The following CEP63 variants were observed in gnomAD, a reference collection of about 807,000 sequenced individuals.
The protein encoded by CEP63 is centrosomal protein 63.
Under a neutral mutation model 89.1 loss-of-function variants are expected in CEP63, and 84 were observed. The observed-to-expected ratio is 0.94, with a 90% CI of 0.79 to 1.13. CEP63 has a LOEUF of 1.13. Ranked by LOEUF, CEP63 falls within the 50% of genes most tolerant of loss-of-function variation. The probability of loss-of-function intolerance (pLI) is 0.00; values close to 1 mark genes in which losing one functional copy is unlikely to be tolerated. For missense variants in CEP63, 838 were observed against 813.3 expected (o/e 1.03, Z -0.37); for synonymous variants, 267 against 272.5 (o/e 0.98, Z 0.20).
At chr3:134,573,365 A>G (rs753881964) in intron 11 of CEP63, among the ~76,000 whole-genome samples, 11 of 152,094 alleles carry the variant, frequency 7.2e-5, no homozygotes, top group African/African-American at 2.7e-4. Context: ...GCTTTCTTCT[A>G]GGTTTCTTAT....
At chr3:134,754,117 GC>G in the CEP63 span, among the ~76,000 whole-genome samples, 1 of 152,186 alleles carries the variant, frequency 6.6e-6, no homozygotes, top group Non-Finnish European at 1.5e-5. Flanking sequence ...CTGGTGAATG[GC>G]CCCTGCTGGG....
chr3:134,574,694 A>G (rs1015618817), intron 11 of CEP63: 2 of 441,456 alleles, frequency 4.5e-6, no homozygotes, highest in African/African-American at 4.1e-5. Flanking sequence ...TGCAACCTCC[A>G]CCTCCTGGGC....
chr3:134,505,498 G>A (rs971684610), intron 2 of CEP63, among the ~76,000 whole-genome samples: 12 of 152,218 alleles, frequency 7.9e-5, no homozygotes, highest in African/African-American at 2.2e-4. Flanking sequence ...ACCAGACAGT[G>A]ATGCCAGTGG....
chr3:134,529,037 CA>C (rs1312252894), intron 3 of CEP63, among the ~76,000 whole-genome samples: 14 of 152,142 alleles, frequency 9.2e-5, no homozygotes, highest in African/African-American at 2.9e-4. Flanking sequence ...TGAAGCAAAA[CA>C]TAATCATAAT....
At chr3:134,550,316 G>T in intron 11 of CEP63, 56 bp downstream of exon 11, 2 of 1,460,930 alleles carry the variant, frequency 1.4e-6, no homozygotes, top group South Asian at 2.4e-5. Flanking sequence ...AGATGGAGTT[G>T]ATTAAAGACA....
chr3:134,492,091 T>TTTTTTTTTTTTTTTTTTTTTTA (rs1937751171), intron 1 of CEP63, among the ~76,000 whole-genome samples: 1 of 147,608 alleles, frequency 6.8e-6, no homozygotes, highest in African/African-American at 2.5e-5. Context: ...TTTTTTTTTT[T>TTTTTTTTTTTTTTTTTTTTTTA]GAGACGGAGT....
At chr3:134,486,547 G>C (rs1935468477) in intron 1 of CEP63, 1 of 985,558 alleles carries the variant, frequency 1.0e-6, no homozygotes, top group Non-Finnish European at 1.2e-6. Flanking sequence ...GCGCTTCGGA[G>C]AGTGGCCAGG....
the CEP63 span, among the ~76,000 whole-genome samples, chr3:134,644,104 C>A: frequency 1.3e-5 from 2 of 152,202 alleles, no homozygotes; most frequent in Admixed American, 6.5e-5. Context: ...GGATTATAGG[C>A]GTGAGCCACC....
the CEP63 span, among the ~76,000 whole-genome samples, chr3:134,642,424 T>C: frequency 6.6e-5 from 10 of 152,336 alleles, no homozygotes; most frequent in Non-Finnish European, 1.5e-4. Flanking sequence ...CAGTATTTAA[T>C]GCACAGCAGT....
At chr3:134,768,861 A>G in the CEP63 span, among the ~76,000 whole-genome samples, 1 of 152,202 alleles carries the variant, frequency 6.6e-6, no homozygotes, top group African/African-American at 2.4e-5. Flanking sequence ...GTGTAATCAC[A>G]TGAGCTCCTC....
chr3:134,540,764 A>ATTTTTTTTTTTTTTTTTTTTTATTTTT (rs58341628), intron 6 of CEP63, among the ~76,000 whole-genome samples: 1 of 133,394 alleles, frequency 7.5e-6, no homozygotes, highest in Admixed American at 7.5e-5. Context: ...TTGTTTTAGG[A>ATTTTTTTTTTTTTTTTTTTTTATTTTT]TTTTTTTTTT....
chr3:134,776,407 T>C, the CEP63 span, among the ~76,000 whole-genome samples: 1 of 152,150 alleles, frequency 6.6e-6, no homozygotes, highest in Non-Finnish European at 1.5e-5. Flanking sequence ...ATACTTAATT[T>C]TTTTTTCATA....
the CEP63 span, among the ~76,000 whole-genome samples, chr3:134,609,110 T>C: frequency 6.6e-6 from 1 of 152,198 alleles, no homozygotes; most frequent in Admixed American, 6.5e-5. Context: ...GACTGCCTCA[T>C]GCTCAAAGAC....
the CEP63 span, among the ~76,000 whole-genome samples, chr3:134,746,656 T>G: frequency 2.0e-5 from 3 of 152,256 alleles, no homozygotes; most frequent in Non-Finnish European, 1.5e-5. Context: ...TGGTTTTGAT[T>G]TGCATTTCTC....
At chr3:134,734,074 TA>T in the CEP63 span, among the ~76,000 whole-genome samples, 4 of 152,200 alleles carry the variant, frequency 2.6e-5, no homozygotes, top group Non-Finnish European at 5.9e-5. Context: ...AGAAAATAAG[TA>T]AAACTATGTT....
At chr3:134,781,556 C>T in the CEP63 span, among the ~76,000 whole-genome samples, 1 of 152,188 alleles carries the variant, frequency 6.6e-6, no homozygotes, top group African/African-American at 2.4e-5. Context: ...CAGGGTACTA[C>T]GCTCACTACC....
intron 3 of CEP63, among the ~76,000 whole-genome samples, chr3:134,510,374 C>T (rs1298939341): frequency 6.6e-6 from 1 of 152,218 alleles, no homozygotes; most frequent in Non-Finnish European, 1.5e-5. Context: ...TGCTGCATGT[C>T]ATAGTCTAAC....
chr3:134,782,515 A>G, the CEP63 span, among the ~76,000 whole-genome samples: 1 of 152,128 alleles, frequency 6.6e-6, no homozygotes, highest in African/African-American at 2.4e-5. Flanking sequence ...CCTCTTTTCC[A>G]TCCATAACAT....
chr3:134,594,404 T>TGATTC, the CEP63 span, among the ~76,000 whole-genome samples: 1 of 152,184 alleles, frequency 6.6e-6, no homozygotes, highest in African/African-American at 2.4e-5. Flanking sequence ...AAATGATGGC[T>TGATTC]GATTCGTTGT....
Sources: gnomAD v4.1 joint callset for allele counts (sites outside exome capture counted in the v4.1 genomes callset) on GRCh38, gnomAD v4.1.1 for gene constraint, MANE v1.5 for transcripts, NCBI Gene and HGNC (gene_info 2026-07-23, HGNC 2026-07-21) for gene names.